Variants in RAPGEF6 observed in about 807,000 individuals in gnomAD.
RAPGEF6 encodes Rap guanine nucleotide exchange factor 6.
A neutral mutation model predicts 171.4 loss-of-function variants in RAPGEF6; 56 were observed. That is an observed-to-expected ratio of 0.33 (90% CI 0.26 to 0.41). The LOEUF (loss-of-function observed/expected upper bound fraction) is 0.41. Among genes scored for constraint, RAPGEF6 ranks in the 10% least tolerant of loss-of-function variants. The probability of loss-of-function intolerance (pLI) is 1.00; values close to 1 mark genes in which losing one functional copy is unlikely to be tolerated. For synonymous variants in RAPGEF6, 692 were observed against 650.1 expected, an observed-to-expected ratio of 1.06 and a Z score of -0.98; for missense variants, 1,674 against 1,921.4, an observed-to-expected ratio of 0.87 and a Z score of 2.41.
At chr5:131,459,494 T>C (rs1263238191) in intron 19 of RAPGEF6, among the ~76,000 whole-genome samples, 1 of 152,076 alleles carries the variant, frequency 6.6e-6, no homozygotes, top group Admixed American at 6.5e-5. Context: ...TGTTCTTAAC[T>C]AACCACAAAA....
chr5:131,517,129 GA>G (rs1223313264), intron 7 of RAPGEF6, among the ~76,000 whole-genome samples: 2 of 152,198 alleles, frequency 1.3e-5, no homozygotes, highest in Non-Finnish European at 2.9e-5. Flanking sequence ...GGCAGGGAGA[GA>G]GGGGCAAGGG....
intron 15 of RAPGEF6, among the ~76,000 whole-genome samples, chr5:131,483,304 G>A (rs890005857): frequency 4.1e-5 from 6 of 147,448 alleles, no homozygotes; most frequent in Non-Finnish European, 7.4e-5. Context: ...AGCCGAGATC[G>A]AGCCACTGCA....
At chr5:131,555,617 T>C (rs1314995840) in intron 5 of RAPGEF6, among the ~76,000 whole-genome samples, 1 of 151,990 alleles carries the variant, frequency 6.6e-6, no homozygotes, top group Non-Finnish European at 1.5e-5. Context: ...ACAGAATTTT[T>C]CATAATATAC....
intron 11 of RAPGEF6, among the ~76,000 whole-genome samples, chr5:131,502,920 T>C (rs755604486): frequency 3.3e-5 from 5 of 152,170 alleles, no homozygotes; most frequent in Admixed American, 1.3e-4. Context: ...TGCTTCAGCC[T>C]CCCGAGTAGC....
At position 131,429,234 on chromosome 5, in the gene RAPGEF6, C is replaced by A; in HGVS notation, c.4466-18G>T. 4 of 1,484,460 alleles carry A rather than the reference C, an allele frequency of 2.7e-6. No individual in the cohort carries two copies. Among genetic ancestry groups the A allele is most frequent in the East Asian group, 2.4e-5 (1 of 42,528 alleles). 92.0% of individuals were successfully genotyped at this position (1,484,460 alleles called of 1,614,324 possible). On this transcript the variant is annotated intron_variant, in intron 26 of 27. Coordinates refer to ENST00000509018, the MANE Select transcript of RAPGEF6 (RefSeq NM_016340.6). ...ACAGTACACTGGCATGAAAAATAAG[C>A]AATGAAAATGTTAATGAAAAAGAAA...
intron 14 of RAPGEF6, among the ~76,000 whole-genome samples, chr5:131,491,055 C>T (rs1318604447): frequency 6.6e-6 from 1 of 151,122 alleles, no homozygotes; most frequent in South Asian, 2.1e-4. Flanking sequence ...AATGATTTCA[C>T]GTGTGTGTGT....
chr5:131,492,498 A>G, intron 14 of RAPGEF6, 84 bp downstream of exon 14: 1 of 1,360,808 alleles, frequency 7.3e-7, no homozygotes, highest in Middle Eastern at 1.9e-4. Flanking sequence ...TAAACTGATC[A>G]TGCTTTCTGG....
intron 24 of RAPGEF6, among the ~76,000 whole-genome samples, chr5:131,438,988 T>A (rs1485476674): frequency 6.6e-6 from 1 of 152,130 alleles, no homozygotes; most frequent in African/African-American, 2.4e-5. Flanking sequence ...AGTGGCATGA[T>A]CACAGCTCAC....
At chr5:131,564,851 C>T (rs115913044) in intron 4 of RAPGEF6, among the ~76,000 whole-genome samples, 104 of 152,250 alleles carry the variant, frequency 6.8e-4, no homozygotes, top group Middle Eastern at 3.4e-3. Flanking sequence ...CATATGCAGA[C>T]ACATAAGGTC....
At chr5:131,555,193 T>C (rs1295252144) in intron 5 of RAPGEF6, among the ~76,000 whole-genome samples, 1 of 152,180 alleles carries the variant, frequency 6.6e-6, no homozygotes, top group East Asian at 1.9e-4. Context: ...ATCTAATAAA[T>C]TTCTTGGTAT....
intron 20 of RAPGEF6, among the ~76,000 whole-genome samples, chr5:131,454,440 A>T (rs1580848306): frequency 6.6e-6 from 1 of 152,212 alleles, no homozygotes; most frequent in Admixed American, 6.5e-5. Flanking sequence ...AAAAAGGAGA[A>T]AACAGATTAA....
intron 1 of RAPGEF6, among the ~76,000 whole-genome samples, chr5:131,631,245 T>C (rs2150044248): frequency 6.6e-6 from 1 of 152,344 alleles, no homozygotes; most frequent in East Asian, 1.9e-4. Context: ...TGCAACCTCT[T>C]ACTCATTTCT....
At chr5:131,542,427 T>C (rs1414100343) in intron 6 of RAPGEF6, among the ~76,000 whole-genome samples, 2 of 152,136 alleles carry the variant, frequency 1.3e-5, no homozygotes, top group Non-Finnish European at 2.9e-5. Context: ...CATACAAAGG[T>C]CATACAACTT....
chr5:131,592,459 T>C lies in RAPGEF6; in HGVS notation c.205A>G (p.Thr69Ala). ...AGGATATACCAACATCTGGCAATCG[T>C]TTCTGAACTGTTTAAATAAATAAGT... ...SGNQVLFCSE[T>A]IARCWYILLS... Residue 69 changes from threonine (T) to alanine (A), a missense_variant, in exon 4 of 28, where the codon ACG (threonine) becomes GCG (alanine). Coordinates refer to ENST00000509018, the MANE Select transcript of RAPGEF6 (RefSeq NM_016340.6). 1.9e-6 allele frequency: 3 copies of C among 1,613,390 alleles called. No individual in the cohort carries two copies. Among genetic ancestry groups the C allele is most frequent in the Non-Finnish European group, 2.5e-6 (3 of 1,179,548 alleles).
intron 6 of RAPGEF6, among the ~76,000 whole-genome samples, chr5:131,528,327 A>ATAT (rs1759112670): frequency 3.7e-5 from 3 of 81,178 alleles, no homozygotes; most frequent in African/African-American, 5.1e-5. Context: ...ATATATATAT[A>ATAT]TATATATATA....
chr5:131,606,029 C>CAAAAAAAAAAAAAAAAAAAA (rs1168486376), intron 1 of RAPGEF6, among the ~76,000 whole-genome samples: 2 of 70,590 alleles, frequency 2.8e-5, no homozygotes, highest in African/African-American at 8.7e-5. Context: ...GACTCCATCT[C>CAAAAAAAAAAAAAAAAAAAA]AAAAAAAAAA....
chr5:131,629,748 G>A (rs1327510154), intron 1 of RAPGEF6, among the ~76,000 whole-genome samples: 2 of 141,794 alleles, frequency 1.4e-5, no homozygotes, highest in Non-Finnish European at 3.0e-5. Context: ...ATGAGATCTT[G>A]TCTCAAAGAA....
rs537074608 is a variant in RAPGEF6 at position 131,602,167 on chromosome 5, AGAT to A, written c.197+1101_197+1103del. Among the ~76,000 whole-genome samples, 135 of 152,356 alleles carry A rather than the reference AGAT, an allele frequency of 8.9e-4. 1 individual carries two copies. Among genetic ancestry groups the A allele is most frequent in the African/African-American group, 3.1e-3 (128 of 41,574 alleles). On this transcript the variant is annotated intron_variant, in intron 3 of 27. Transcript: ENST00000509018. The stretch of plus-strand genomic sequence containing the variant: ...GATACTTTCTGAAAAATGCATCATT[AGAT>A]GATTTCATCATGCTAACATCATAGA...
At chr5:131,478,061 T>C (rs1043591571) in intron 16 of RAPGEF6, among the ~76,000 whole-genome samples, 2 of 152,104 alleles carry the variant, frequency 1.3e-5, no homozygotes. Context: ...TTTTGGTATT[T>C]TAAAGTAATG....
Sources: allele counts gnomAD v4.1 joint callset (sites outside exome capture counted in the v4.1 genomes callset), GRCh38; gene constraint gnomAD v4.1.1; transcripts MANE v1.5; gene names NCBI Gene and HGNC (gene_info 2026-07-23, HGNC 2026-07-21).